STK3: variants seen among roughly 807,000 people sequenced by gnomAD.
STK3 encodes serine/threonine-protein kinase 3.
A neutral mutation model predicts 58.0 loss-of-function variants in STK3; 41 were observed. The ratio of observed to expected loss-of-function variants is 0.71; its 90% CI spans 0.55 to 0.92. The LOEUF is 0.92. Ranked by LOEUF, STK3 falls within the 40% of genes least tolerant of loss-of-function variation. STK3 has a pLI of 0.00. For synonymous variants in STK3, 170 were observed against 191.0 expected, an observed-to-expected ratio of 0.89 and a Z score of 0.91; for missense variants, 479 against 602.7, an observed-to-expected ratio of 0.79 and a Z score of 2.15.
Position 98,548,114 on chromosome 8 carries a change from C to G in STK3, c.996G>C (p.Glu332Asp), listed in dbSNP as rs974748998. 1.2e-6 allele frequency: 2 copies of G among 1,601,702 alleles called. No individual in the cohort carries two copies. Among genetic ancestry groups the G allele is most frequent in the Admixed American group, 1.7e-5 (1 of 58,092 alleles). The change falls in exon 9 of 11, where the codon GAG becomes GAC. Residue 332 changes from glutamate to aspartate, a missense_variant. Physicochemically the swap from Glu to Asp is conservative, Grantham distance 45. This residue lies in a region of STK3 where 309 missense variants were observed against 355.7 expected (regional missense o/e 0.87). Coordinates refer to ENST00000419617, the MANE Select transcript of STK3 (RefSeq NM_006281.4). ...DSHTMVKTSV[E>D]SVGTMRATST... ...TTGTGGCCCGCATGGTGCCCACACT[C>G]TCCACACTAGTCTTCACCATGGTGT...
intron 3 of STK3, chr8:98,429,905 T>C (rs1308796861): frequency 1.2e-5 from 2 of 168,190 alleles, no homozygotes; most frequent in Non-Finnish European, 2.9e-5. Flanking sequence ...CTCAGCTCTT[T>C]ATCCATTGCT....
chr8:98,926,662 C>T (rs2132025850), intron 1 of STK3, among the ~76,000 whole-genome samples: 1 of 152,238 alleles, frequency 6.6e-6, no homozygotes, highest in African/African-American at 2.4e-5. Context: ...AAAGAAAAGA[C>T]AACATACAAA....
At chr8:98,435,158 C>T (rs987848122) in intron 2 of STK3, among the ~76,000 whole-genome samples, 1 of 152,176 alleles carries the variant, frequency 6.6e-6, no homozygotes, top group Non-Finnish European at 1.5e-5. Context: ...TAACTATTTC[C>T]TTTGTGAAGA....
intron 1 of STK3, among the ~76,000 whole-genome samples, chr8:98,816,141 T>C (rs1231978261): frequency 6.6e-6 from 1 of 152,174 alleles, no homozygotes; most frequent in Non-Finnish European, 1.5e-5. Context: ...GGGAAACTAG[T>C]ACAAACAACC....
chr8:98,905,935 T>G (rs1310526519), intron 1 of STK3, among the ~76,000 whole-genome samples: 2 of 152,154 alleles, frequency 1.3e-5, no homozygotes, highest in African/African-American at 4.8e-5. Context: ...GCCAGATTGG[T>G]TACAGCTCAG....
At chr8:98,722,879 A>G (rs1827536484) in intron 4 of STK3, 1 of 508,578 alleles carries the variant, frequency 2.0e-6, no homozygotes, top group African/African-American at 1.9e-5. Flanking sequence ...AGAAGAAGGT[A>G]ATGTAAGAAT....
chr8:98,610,411 G>A (rs140827456), intron 6 of STK3, among the ~76,000 whole-genome samples: 3 of 152,260 alleles, frequency 2.0e-5, no homozygotes, highest in African/African-American at 7.2e-5. Flanking sequence ...ATGCAATACT[G>A]CCTAGCTTCA....
chr8:98,828,119 C>A (rs2131774308), upstream of STK3, among the ~76,000 whole-genome samples: 1 of 152,038 alleles, frequency 6.6e-6, no homozygotes, highest in East Asian at 1.9e-4. Flanking sequence ...GGATTACAGG[C>A]ACCCGCCACC....
intron 3 of STK3, among the ~76,000 whole-genome samples, chr8:98,852,611 C>A (rs6982060): frequency 0.018 from 2,739 of 152,290 alleles, 78 homozygotes; most frequent in African/African-American, 0.063. Context: ...CTACTCTCAT[C>A]TTTTCCTTGA....
At chr8:98,923,873 G>GCGCA in intron 1 of STK3, among the ~76,000 whole-genome samples, 1 of 147,312 alleles carries the variant, frequency 6.8e-6, no homozygotes, top group East Asian at 2.1e-4. Context: ...GCGCGCGCGC[G>GCGCA]CGCGTTGACA....
At chr8:98,607,547 T>C (rs927296091) in intron 6 of STK3, among the ~76,000 whole-genome samples, 15 of 152,356 alleles carry the variant, frequency 9.8e-5, no homozygotes, top group Admixed American at 7.2e-4. Flanking sequence ...TTAGCAAATC[T>C]TTTTAGCATC....
At chr8:98,686,406 A>T in intron 6 of STK3, among the ~76,000 whole-genome samples, 1 of 152,232 alleles carries the variant, frequency 6.6e-6, no homozygotes, top group Non-Finnish European at 1.5e-5. Context: ...AATCAAAAAT[A>T]ATTTAATATT....
chr8:98,444,892 A>C (rs1319077294), intron 1 of STK3, among the ~76,000 whole-genome samples: 1 of 152,188 alleles, frequency 6.6e-6, no homozygotes, highest in African/African-American at 2.4e-5. Flanking sequence ...GTTTACTCTG[A>C]GAATAGTGAT....
At chr8:98,378,671 C>A (rs192782598) in intron 2 of STK3, among the ~76,000 whole-genome samples, 1 of 152,174 alleles carries the variant, frequency 6.6e-6, no homozygotes, top group Non-Finnish European at 1.5e-5. Context: ...TTCTCTTCCT[C>A]CCCGCTTCCT....
At chr8:98,692,715 G>C (rs980195021) in intron 6 of STK3, among the ~76,000 whole-genome samples, 2 of 151,912 alleles carry the variant, frequency 1.3e-5, no homozygotes, top group African/African-American at 4.8e-5. Context: ...TGGTTAAAAT[G>C]ATAAATTTTA....
At chr8:98,512,154 A>T (rs930626833) in intron 10 of STK3, among the ~76,000 whole-genome samples, 5 of 150,366 alleles carry the variant, frequency 3.3e-5, no homozygotes, top group African/African-American at 1.2e-4. Context: ...CCGGATTGTG[A>T]TGTTCCCCCT....
intron 1 of STK3, among the ~76,000 whole-genome samples, chr8:98,908,958 C>T (rs966998512): frequency 6.6e-6 from 1 of 151,758 alleles, no homozygotes; most frequent in African/African-American, 2.4e-5. Flanking sequence ...GAGTTCAAGA[C>T]CAGCCTGGCC....
chr8:98,433,277 C>T (rs1012833586), intron 3 of STK3, among the ~76,000 whole-genome samples: 3 of 152,150 alleles, frequency 2.0e-5, no homozygotes, highest in Admixed American at 6.5e-5. Flanking sequence ...CCTCTGTCAG[C>T]CTGCCCTGCC....
At chr8:98,590,492 G>A (rs2129879793) in intron 7 of STK3, among the ~76,000 whole-genome samples, 1 of 152,322 alleles carries the variant, frequency 6.6e-6, no homozygotes, top group East Asian at 1.9e-4. Context: ...TGAAATTGGT[G>A]AGATGTATCT....
Sources: gnomAD v4.1 joint callset for allele counts (sites outside exome capture counted in the v4.1 genomes callset) on GRCh38, gnomAD v4.1.1 for gene constraint, gnomAD v4.1.1 regional missense constraint, MANE v1.5 for transcripts, NCBI Gene and HGNC (gene_info 2026-07-23, HGNC 2026-07-21) for gene names.